The following CNTNAP2 variants were observed in gnomAD, a reference collection of about 807,000 sequenced individuals.
The protein encoded by CNTNAP2 is contactin-associated protein-like 2.
In CNTNAP2, 98 loss-of-function variants were observed where a neutral mutation model predicts 155.2. The ratio of observed to expected loss-of-function variants is 0.63; its 90% CI spans 0.54 to 0.75. The LOEUF (loss-of-function observed/expected upper bound fraction) is 0.75, where lower values mean the gene tolerates loss of function less well. Among genes scored for constraint, CNTNAP2 ranks in the 30% least tolerant of loss-of-function variants. CNTNAP2 has a pLI of 0.00. For missense variants in CNTNAP2, 1,727 were observed against 1,688.1 expected, an observed-to-expected ratio of 1.02 and a Z score of -0.40; for synonymous variants, 651 against 631.2, an observed-to-expected ratio of 1.03 and a Z score of -0.47.
chr7:146,957,504 A>G (rs1353817514), intron 3 of CNTNAP2, among the ~76,000 whole-genome samples: 2 of 152,220 alleles, frequency 1.3e-5, no homozygotes, highest in African/African-American at 4.8e-5. Context: ...TTTTAAAAAC[A>G]TGTTGCAAGC....
chr7:146,750,950 A>G (rs1434858483), intron 1 of CNTNAP2, among the ~76,000 whole-genome samples: 2 of 152,186 alleles, frequency 1.3e-5, no homozygotes, highest in Non-Finnish European at 2.9e-5. Context: ...ATGATTCACT[A>G]CTTTTACTCA....
chr7:147,549,192 A>G (rs897662803), intron 11 of CNTNAP2, among the ~76,000 whole-genome samples: 10 of 152,192 alleles, frequency 6.6e-5, no homozygotes, highest in African/African-American at 2.2e-4. Flanking sequence ...TACTTTGGGC[A>G]GTATGGCCAT....
chr7:146,304,105 T>G (rs186813203), intron 1 of CNTNAP2, among the ~76,000 whole-genome samples: 1 of 151,762 alleles, frequency 6.6e-6, no homozygotes, highest in South Asian at 2.1e-4. Flanking sequence ...CTTTTTTTTT[T>G]TTTTTCCATT....
At chr7:147,924,199 G>C (rs1016301975) in intron 14 of CNTNAP2, among the ~76,000 whole-genome samples, 1 of 144,310 alleles carries the variant, frequency 6.9e-6, no homozygotes, top group Non-Finnish European at 1.5e-5. Flanking sequence ...GAGTGCAATG[G>C]CACGATCGCA....
intron 4 of CNTNAP2, among the ~76,000 whole-genome samples, chr7:147,050,793 G>C (rs1165372628): frequency 1.3e-5 from 2 of 152,134 alleles, no homozygotes; most frequent in Admixed American, 1.3e-4. Flanking sequence ...CATGGATCTA[G>C]AGGGCACAGT....
intron 2 of CNTNAP2, among the ~76,000 whole-genome samples, chr7:146,776,513 C>T (rs1372037756): frequency 6.6e-6 from 1 of 152,026 alleles, no homozygotes; most frequent in African/African-American, 2.4e-5. Flanking sequence ...CTCGACTAAA[C>T]GATGTAGGAG....
chr7:146,131,089 C>G (rs557056792), intron 1 of CNTNAP2, among the ~76,000 whole-genome samples: 2 of 152,282 alleles, frequency 1.3e-5, no homozygotes, highest in South Asian at 4.1e-4. Flanking sequence ...CCAATCTTTA[C>G]ATAGTTTCAC....
At chr7:146,880,664 T>C (rs1795529829) in intron 3 of CNTNAP2, among the ~76,000 whole-genome samples, 1 of 152,146 alleles carries the variant, frequency 6.6e-6, no homozygotes, top group African/African-American at 2.4e-5. Flanking sequence ...TATTTTCTAA[T>C]ACTTTGATGA....
At chr7:148,072,944 G>A (rs1252102668) in intron 15 of CNTNAP2, among the ~76,000 whole-genome samples, 1 of 152,126 alleles carries the variant, frequency 6.6e-6, no homozygotes, top group Admixed American at 6.5e-5. Context: ...CTGACCTCAG[G>A]TGATCTGCCC....
intron 9 of CNTNAP2, among the ~76,000 whole-genome samples, chr7:147,377,408 G>C (rs1383289500): frequency 6.6e-6 from 1 of 151,188 alleles, no homozygotes; most frequent in African/African-American, 2.4e-5. Context: ...TTTAATATTA[G>C]TCATTATCAC....
intron 1 of CNTNAP2, among the ~76,000 whole-genome samples, chr7:146,658,997 C>T (rs1455568459): frequency 6.6e-6 from 1 of 152,192 alleles, no homozygotes; most frequent in Admixed American, 6.5e-5. Flanking sequence ...ACTGGAGACA[C>T]CGCAGCCACT....
intron 1 of CNTNAP2, among the ~76,000 whole-genome samples, chr7:146,692,337 T>A (rs984121684): frequency 2.0e-5 from 3 of 152,142 alleles, no homozygotes; most frequent in Admixed American, 2.0e-4. Context: ...TTAAAACTTA[T>A]ACCAGTAAAG....
chr7:147,199,071 C>T (rs1056647785), intron 8 of CNTNAP2, among the ~76,000 whole-genome samples: 4 of 150,724 alleles, frequency 2.7e-5, no homozygotes, highest in African/African-American at 9.8e-5. Context: ...AAGCAATTCT[C>T]CTGTCTCAGC....
chr7:147,113,802 C>T (rs911318631), intron 5 of CNTNAP2, among the ~76,000 whole-genome samples: 2 of 151,992 alleles, frequency 1.3e-5, no homozygotes, highest in African/African-American at 4.8e-5. Context: ...GTGTGTGCCT[C>T]TCTATTCCAC....
intron 13 of CNTNAP2, among the ~76,000 whole-genome samples, chr7:147,839,562 G>T (rs1445001094): frequency 6.6e-6 from 1 of 152,012 alleles, no homozygotes; most frequent in Admixed American, 6.6e-5. Context: ...TCTTATTTTT[G>T]ACATTTTTCA....
chr7:146,607,254 G>C (rs1799063831), intron 1 of CNTNAP2, among the ~76,000 whole-genome samples: 1 of 152,072 alleles, frequency 6.6e-6, no homozygotes, highest in Admixed American at 6.6e-5. Context: ...ATTCCCCAAT[G>C]TTTAATCTTC....
At chr7:148,247,780 A>C (rs901156169) in intron 20 of CNTNAP2, among the ~76,000 whole-genome samples, 3 of 151,300 alleles carry the variant, frequency 2.0e-5, no homozygotes, top group African/African-American at 7.3e-5. Flanking sequence ...CAGCCTCCCC[A>C]GTAGCTGGAA....
intron 1 of CNTNAP2, among the ~76,000 whole-genome samples, chr7:146,599,843 A>C (rs1462075761): frequency 1.3e-5 from 2 of 151,434 alleles, no homozygotes; most frequent in Non-Finnish European, 2.9e-5. Flanking sequence ...ATAAGACACT[A>C]AATTTTTTGA....
intron 21 of CNTNAP2, among the ~76,000 whole-genome samples, chr7:148,362,011 C>T (rs932135869): frequency 1.1e-4 from 16 of 152,090 alleles, no homozygotes; most frequent in African/African-American, 3.9e-4. Context: ...GGTTCGAGAC[C>T]AGCCTAGCCA....
Sources: allele counts gnomAD v4.1 joint callset (sites outside exome capture counted in the v4.1 genomes callset), GRCh38; gene constraint gnomAD v4.1.1; transcripts MANE v1.5; gene names NCBI Gene and HGNC (gene_info 2026-07-23, HGNC 2026-07-21).